Variants in COG6 observed in about 807,000 individuals in gnomAD.
The protein encoded by COG6 is conserved oligomeric Golgi complex subunit 6.
A neutral mutation model predicts 88.8 loss-of-function variants in COG6; 74 were observed. That is an observed-to-expected ratio of 0.83 (90% CI 0.69 to 1.01). The LOEUF (loss-of-function observed/expected upper bound fraction) is 1.01. COG6 is among the 50% of genes least tolerant of loss of function. COG6 has a pLI of 0.00. For synonymous variants in COG6, 286 were observed against 278.7 expected, an observed-to-expected ratio of 1.03 and a Z score of -0.26; for missense variants, 800 against 797.9, an observed-to-expected ratio of 1.00 and a Z score of -0.03.
intron 13 of COG6, among the ~76,000 whole-genome samples, chr13:39,710,720 TG>T (rs1463816312): frequency 6.6e-6 from 1 of 152,202 alleles, no homozygotes; most frequent in East Asian, 1.9e-4. Flanking sequence ...CCCCATTTAA[TG>T]TTTGTAAAAT....
At chr13:39,774,818 C>G (rs1593485302) in intron 18 of COG6, among the ~76,000 whole-genome samples, 1 of 152,024 alleles carries the variant, frequency 6.6e-6, no homozygotes, top group South Asian at 2.1e-4. Flanking sequence ...CATGATCTGC[C>G]CACCTCATCC....
rs992043776 is a variant in COG6, at chr13:39,659,589, G to A, written c.297+82G>A. 4 of 1,230,014 alleles carry A rather than the reference G, an allele frequency of 3.3e-6. No homozygotes were observed. In the East Asian group the frequency reaches 9.5e-5, roughly 29 times the overall value. 76.2% of individuals were successfully genotyped at this position (1,230,014 alleles called of 1,614,324 possible). Reference sequence around the variant, plus strand: ...TGTGCTAAGTATTTTTTTGAATTAGGTTGATATGTTTGCTATTTGTATACT... The same window carrying A: ...TGTGCTAAGTATTTTTTTGAATTAGATTGATATGTTTGCTATTTGTATACT... On this transcript the variant is annotated intron_variant, in intron 2 of 18. Transcript: ENST00000455146.
intron 18 of COG6, among the ~76,000 whole-genome samples, chr13:39,774,328 TATAAG>T (rs1227410123): frequency 1.3e-5 from 2 of 152,224 alleles, no homozygotes; most frequent in Non-Finnish European, 1.5e-5. Context: ...TACAGAAGAA[TATAAG>T]ATATTTATTA....
intron 1 of COG6, among the ~76,000 whole-genome samples, chr13:39,657,168 A>AT (rs1423225738): frequency 6.6e-6 from 1 of 152,046 alleles, no homozygotes; most frequent in Non-Finnish European, 1.5e-5. Flanking sequence ...AGTAGCTGGG[A>AT]TTACAGGCAT....
intron 18 of COG6, among the ~76,000 whole-genome samples, chr13:39,728,045 A>C (rs2138094076): frequency 6.6e-6 from 1 of 152,252 alleles, no homozygotes; most frequent in East Asian, 1.9e-4. Flanking sequence ...AGAAGCGGAG[A>C]GATTATATGA....
intron 2 of COG6, 62 bp from the exon 3 acceptor site, chr13:39,660,748 A>G: frequency 1.8e-6 from 2 of 1,085,796 alleles, no homozygotes; most frequent in Non-Finnish European, 2.9e-6. Flanking sequence ...GATTTAGCTA[A>G]CAGAAGAGAA....
intron 11 of COG6, among the ~76,000 whole-genome samples, chr13:39,691,723 G>A (rs539337668): frequency 6.6e-6 from 1 of 151,816 alleles, no homozygotes; most frequent in East Asian, 1.9e-4. Context: ...TGTTTTCAGT[G>A]AGATAGTTGT....
At chr13:39,729,182 G>A (rs1487427316) in intron 18 of COG6, among the ~76,000 whole-genome samples, 1 of 152,138 alleles carries the variant, frequency 6.6e-6, no homozygotes, top group Non-Finnish European at 1.5e-5. Context: ...CCCAACCCCG[G>A]GCCAGGGACC....
At chr13:39,710,630 G>A (rs1878184501) in intron 13 of COG6, among the ~76,000 whole-genome samples, 1 of 151,978 alleles carries the variant, frequency 6.6e-6, no homozygotes, top group South Asian at 2.1e-4. Context: ...TTAAATGAGG[G>A]AAATGAAGAA....
exon 19 of COG6, chr13:39,791,210 G>T (rs1052591477): frequency 2.6e-5 from 4 of 152,014 alleles, no homozygotes; most frequent in African/African-American, 9.7e-5. Flanking sequence ...AGACATATAT[G>T]TGTGATTCCT....
chr13:39,774,230 T>C (rs534978780), intron 18 of COG6, among the ~76,000 whole-genome samples: 4 of 152,352 alleles, frequency 2.6e-5, no homozygotes, highest in African/African-American at 7.2e-5. Flanking sequence ...TTTAAAACTT[T>C]ATGAAGGTAA....
chr13:39,675,078 A>C (rs758185904), intron 4 of COG6, among the ~76,000 whole-genome samples: 1 of 152,142 alleles, frequency 6.6e-6, no homozygotes, highest in East Asian at 1.9e-4. Context: ...TCCATAGTGT[A>C]TATTTCACAT....
In COG6 at chr13:39,760,498, A is replaced by G. The variant is rs115784530; in HGVS notation, c.1827-27837A>G. Among the ~76,000 whole-genome samples, 1,083 of 152,296 alleles carry G rather than the reference A, an allele frequency of 7.1e-3. 15 individuals are homozygous for G. Among genetic ancestry groups the G allele is most frequent in the African/African-American group, 0.025 (1,034 of 41,572 alleles). ...AAAAGAAAATAAACCACAAAAACAG[A>G]AAGAACATCTCAATGTACCCTGCCT... On this transcript the variant is annotated intron_variant, in intron 18 of 18. Transcript: ENST00000416691.
intron 12 of COG6, 42 bp downstream of exon 12, chr13:39,694,767 T>A: frequency 9.2e-7 from 1 of 1,085,678 alleles, no homozygotes; most frequent in Non-Finnish European, 1.4e-6. Context: ...TCCAATGTGA[T>A]ATTTCTTTCA....
chr13:39,704,496 A>G (rs751170441), intron 13 of COG6, among the ~76,000 whole-genome samples: 3 of 152,196 alleles, frequency 2.0e-5, no homozygotes, highest in Non-Finnish European at 4.4e-5. Context: ...ATGGAAGTGA[A>G]TCATCATAAA....
chr13:39,718,372 G>A lies in COG6; in HGVS notation c.1285-864G>A, dbSNP rs116644799. On this transcript the variant is annotated intron_variant, in intron 13 of 18. Transcript: ENST00000455146. ...TGTAGTCTCTTACATTGTCTTCTAAGTGCTATTTTTAAAAAATTTACAAAA... is the reference window on the plus strand; with the variant it reads ...TGTAGTCTCTTACATTGTCTTCTAAATGCTATTTTTAAAAAATTTACAAAA... 8.3e-3 allele frequency among the ~76,000 whole-genome samples: 1,262 copies of A among 152,128 alleles called. 21 individuals carry two copies. The highest frequency in any genetic ancestry group is 0.029 in the African/African-American group (1,195 of 41,522).
intron 13 of COG6, among the ~76,000 whole-genome samples, chr13:39,717,291 T>C (rs1290259358): frequency 6.6e-6 from 1 of 152,140 alleles, no homozygotes; most frequent in African/African-American, 2.4e-5. Context: ...TGTGTTACTG[T>C]AGGTCTCTTG....
At chr13:39,769,839 G>A (rs531166019) in intron 18 of COG6, among the ~76,000 whole-genome samples, 1 of 152,242 alleles carries the variant, frequency 6.6e-6, no homozygotes, top group East Asian at 1.9e-4. Flanking sequence ...TCCACCACGT[G>A]GAAGGTCCCA....
chr13:39,788,265 T>C (rs751038211), intron 18 of COG6: 3 of 1,417,266 alleles, frequency 2.1e-6, no homozygotes, highest in African/African-American at 1.4e-5. Flanking sequence ...TATGCAGGAA[T>C]GTGAGGTATT....
Sources: allele counts gnomAD v4.1 joint callset (sites outside exome capture counted in the v4.1 genomes callset), GRCh38; gene constraint gnomAD v4.1.1; transcripts MANE v1.5; gene names NCBI Gene and HGNC (gene_info 2026-07-23, HGNC 2026-07-21).